PDXK: variants seen among roughly 807,000 people sequenced by gnomAD.
PDXK encodes epididymis secretory sperm binding protein Li 1a.
In PDXK, 15 loss-of-function variants were observed where a neutral mutation model predicts 43.2. The ratio of observed to expected loss-of-function variants is 0.35; its 90% CI spans 0.23 to 0.53. PDXK has a LOEUF of 0.53. PDXK is among the 20% of genes least tolerant of loss of function. The pLI, the probability that PDXK is intolerant of heterozygous loss-of-function variation, is 0.92. For missense variants in PDXK, 343 were observed against 417.0 expected (o/e 0.82, Z 1.54); for synonymous variants, 172 against 165.4 (o/e 1.04, Z -0.31).
chr21:43,761,243 C>T lies in PDXK; in HGVS notation c.*5180C>T, dbSNP rs982255759. The T allele has an allele frequency of 6.6e-6, 1 of 152,184 alleles. No homozygotes were observed. Among genetic ancestry groups the T allele is most frequent in the Non-Finnish European group, 1.5e-5 (1 of 68,052 alleles). 9.4% of individuals were successfully genotyped at this position (152,184 alleles called of 1,614,324 possible). On this transcript the variant is annotated 3_prime_UTR_variant, in exon 11 of 11. Coordinates refer to ENST00000291565, the MANE Select transcript of PDXK (RefSeq NM_003681.5). ...CAAGGCTGTGGTGGGAACAGCACCC[C>T]CAAATGCCAGCCTCTCCTTTCTTCC...
chr21:43,748,748 C>T (rs924204169), intron 5 of PDXK, among the ~76,000 whole-genome samples: 2 of 152,150 alleles, frequency 1.3e-5, no homozygotes, highest in African/African-American at 4.8e-5. Context: ...CTGTGGGGAC[C>T]CACTGTGCGC....
intron 1 of PDXK, among the ~76,000 whole-genome samples, chr21:43,724,211 A>G (rs538026820): frequency 2.6e-5 from 4 of 152,244 alleles, no homozygotes; most frequent in Admixed American, 1.3e-4. Context: ...AGGGGCCTCA[A>G]TGCCATGCCC....
At position 43,742,060 on chromosome 21, in the gene PDXK, C is replaced by T. The variant is rs570625441; in HGVS notation, c.247+289C>T. Among the ~76,000 whole-genome samples the T allele has an allele frequency of 2.2e-4, 33 of 152,262 alleles. No homozygotes were observed. The South Asian group carries it at 5.4e-3, about 25-fold the overall frequency. On this transcript the variant is annotated intron_variant, in intron 3 of 10. Transcript: ENST00000291565. Reference sequence around the variant, plus strand: ...GAGGGTGCAGGCAGGGTGTTGGGAACGCTGACCGGGGCAGGACAGGTGGGT... The same window carrying T: ...GAGGGTGCAGGCAGGGTGTTGGGAATGCTGACCGGGGCAGGACAGGTGGGT...
Position 43,723,610 on chromosome 21 carries a change from C to G in PDXK, c.87+4229C>G, listed in dbSNP as rs74654974. 6.6e-6 allele frequency: 1 copy of G among 152,280 alleles called. No homozygotes were observed. Among genetic ancestry groups the G allele is most frequent in the Non-Finnish European group, 1.5e-5 (1 of 68,082 alleles). 9.4% of individuals were successfully genotyped at this position (152,280 alleles called of 1,614,324 possible). ...GAATTAAAGGCCCAGAAGTTGATGACGTCAAGACGTCCTTTTTGGAAGTGA... is the reference window on the plus strand; with the variant it reads ...GAATTAAAGGCCCAGAAGTTGATGAGGTCAAGACGTCCTTTTTGGAAGTGA... On this transcript the variant is annotated intron_variant, in intron 1 of 10. Transcript: ENST00000291565. The surrounding 1 kb of genome is among the most constrained non-coding windows in gnomAD (Gnocchi z 4.1).
Position 43,750,786 on chromosome 21 carries a change from G to GTA in PDXK, c.510+242_510+243insAT, listed in dbSNP as rs1460236460. The stretch of plus-strand genomic sequence containing the variant: ...GTGTGCGCGCGTATTGTGTGTGGGT[G>GTA]TGTGTGTGGATGTGTGCGTGTGTGC... On this transcript the variant is annotated intron_variant, in intron 7 of 10. Transcript: ENST00000291565. Among the ~76,000 whole-genome samples the GTA allele has an allele frequency of 1.6e-3, 212 of 135,900 alleles. 1 individual carries two copies. The highest frequency in any genetic ancestry group is 2.8e-3 in the Non-Finnish European group (173 of 61,058). 89.2% of individuals were successfully genotyped at this position (135,900 alleles called of 152,430 possible). A position where few individuals can be genotyped will look rare whatever the true frequency, so the allele number is the denominator to read the frequency against.
rs1199767819 is a variant in PDXK, at chr21:43,734,181, C to T, written c.142+58C>T. ...CAGACTGTGGGTGTGAGGGACGGGG[C>T]GGAGTGTGGGTGTGAGGGACGGGGC... is the stretch of plus-strand genomic sequence containing the variant. On this transcript the variant is annotated intron_variant, in intron 2 of 10. Transcript: ENST00000291565. This position sits in a 1 kb window ranked among gnomAD's most constrained non-coding sequence, Gnocchi z 5.0. The T allele has an allele frequency of 1.9e-5, 28 of 1,483,174 alleles. 1 individual carries two copies. In the South Asian group the frequency reaches 1.9e-4, roughly 10 times the overall value. The allele number at this position is 1,483,174 out of a possible 1,614,324, so 91.9% of individuals were successfully genotyped here.
intron 7 of PDXK, among the ~76,000 whole-genome samples, chr21:43,751,389 A>C (rs1335210515): frequency 6.6e-6 from 1 of 152,056 alleles, no homozygotes; most frequent in Non-Finnish European, 1.5e-5. Context: ...TCTCTACTAA[A>C]AATACAAAAA....
intron 1 of PDXK, among the ~76,000 whole-genome samples, chr21:43,726,688 A>G (rs1350501076): frequency 1.3e-5 from 2 of 152,146 alleles, no homozygotes; most frequent in Non-Finnish European, 2.9e-5. Flanking sequence ...GATTACAGGC[A>G]TGAGCCACTG....
intron 9 of PDXK, 69 bp downstream of exon 9, chr21:43,753,788 G>A: frequency 6.7e-7 from 1 of 1,494,866 alleles, no homozygotes; most frequent in East Asian, 2.4e-5. Context: ...GGATATGAGA[G>A]TCCTGGTGGG....
intron 9 of PDXK, among the ~76,000 whole-genome samples, 162 bp downstream of exon 9, chr21:43,753,881 G>T (rs2083800439): frequency 6.6e-6 from 1 of 152,238 alleles, no homozygotes; most frequent in African/African-American, 2.4e-5. Context: ...CATGACAGGA[G>T]TTGCGCCTGT....
Position 43,752,641 on chromosome 21 carries a change from C to G in PDXK, c.622+12C>G. 1 of 1,502,722 alleles carries G rather than the reference C, an allele frequency of 6.7e-7. No homozygotes were observed. The highest frequency in any genetic ancestry group is 9.3e-7 in the Non-Finnish European group (1 of 1,079,570). 93.1% of individuals were successfully genotyped at this position (1,502,722 alleles called of 1,614,324 possible). A position where few individuals can be genotyped will look rare whatever the true frequency, so the allele number is the denominator to read the frequency against. On this transcript the variant is annotated intron_variant, in intron 8 of 10. Transcript: ENST00000291565. ...GAGTCAGAGGAGGAGTAAGTGCCCC[C>G]ATCGTGCACCGTGGCCGCCTCTGCT... is the stretch of plus-strand genomic sequence containing the variant.
intron 2 of PDXK, chr21:43,736,853 G>GGC: frequency 1.5e-6 from 1 of 689,326 alleles, no homozygotes; most frequent in East Asian, 2.7e-5. Flanking sequence ...AGGTGGTCTT[G>GGC]AACTCCTTGG....
At position 43,748,990 on chromosome 21, in the gene PDXK, G is replaced by A. The variant is rs374080979; in HGVS notation, c.379-5G>A. ...GCCTCTCCTCCTGTCTCCTTTGTTG[G>A]CCAGTACGTCCCGGAGGACCTCCTT... On this transcript the variant is annotated splice_polypyrimidine_tract_variant and splice_region_variant and intron_variant, in intron 5 of 10. Coordinates refer to ENST00000291565, the MANE Select transcript of PDXK (RefSeq NM_003681.5). 25 of 1,592,730 alleles carry A rather than the reference G, an allele frequency of 1.6e-5. No individual in the cohort carries two copies. Among genetic ancestry groups the A allele is most frequent in the Non-Finnish European group, 2.2e-5 (25 of 1,161,228 alleles).
Position 43,761,635 on chromosome 21 carries a change from G to A in PDXK, c.*5572G>A, listed in dbSNP as rs545140020. Reference sequence around the variant, plus strand: ...ATTTTGAGCTGCAAGCTGGGTCAGCGGCTCTGAAGCCCTCGAGTGACTTTC... The same window carrying A: ...ATTTTGAGCTGCAAGCTGGGTCAGCAGCTCTGAAGCCCTCGAGTGACTTTC... On this transcript the variant is annotated 3_prime_UTR_variant, in exon 11 of 11. Transcript: ENST00000291565. The A allele has an allele frequency of 5.9e-5, 9 of 152,404 alleles. No individual in the cohort carries two copies. The highest frequency in any genetic ancestry group is 1.9e-4 in the East Asian group (1 of 5,178). 9.4% of individuals were successfully genotyped at this position (152,404 alleles called of 1,614,324 possible). A position where few individuals can be genotyped will look rare whatever the true frequency, so the allele number is the denominator to read the frequency against.
intron 1 of PDXK, chr21:43,728,946 C>T (rs1313625841): frequency 1.0e-6 from 1 of 985,426 alleles, no homozygotes; most frequent in Non-Finnish European, 1.2e-6. Flanking sequence ...TTTGACCCCC[C>T]AGGGCAGAGT....
chr21:43,726,498 G>A (rs765545978), intron 1 of PDXK, among the ~76,000 whole-genome samples: 25 of 152,044 alleles, frequency 1.6e-4, no homozygotes, highest in Non-Finnish European at 1.0e-4. Context: ...GGATGGTCTC[G>A]ATATCCTGAC....
chr21:43,742,359 G>A (rs1305768824), intron 3 of PDXK, among the ~76,000 whole-genome samples: 1 of 152,052 alleles, frequency 6.6e-6, no homozygotes, highest in Non-Finnish European at 1.5e-5. Context: ...TTTTGTGGGT[G>A]TGTGTGGAGA....
intron 1 of PDXK, among the ~76,000 whole-genome samples, chr21:43,727,369 C>G (rs931386275): frequency 1.7e-5 from 2 of 118,954 alleles, no homozygotes; most frequent in African/African-American, 2.5e-5. Context: ...CAGCGCCTCC[C>G]TTCCTGCCCA....
chr21:43,748,046 G>C lies in PDXK; in HGVS notation c.379-949G>C, dbSNP rs143747026. Among the ~76,000 whole-genome samples, 41 of 152,336 alleles carry C rather than the reference G, an allele frequency of 2.7e-4. No individual in the cohort carries two copies. In the East Asian group the frequency reaches 7.5e-3, roughly 28 times the overall value. ...CAGACATGCCTCCTGTGGGGCCTCT[G>C]ATCTCCAAGGGAGGTTTCCGGGAGC... On this transcript the variant is annotated intron_variant, in intron 5 of 10. Transcript: ENST00000291565.
Sources: gnomAD v4.1 joint callset for allele counts (sites outside exome capture counted in the v4.1 genomes callset) on GRCh38, gnomAD v4.1.1 for gene constraint, Gnocchi (gnomAD v3.1) non-coding constraint, MANE v1.5 for transcripts, NCBI Gene and HGNC (gene_info 2026-07-23, HGNC 2026-07-21) for gene names.